The following SULT4A1 variants were observed in gnomAD, a reference collection of about 807,000 sequenced individuals.
SULT4A1 encodes sulfotransferase 4A1.
Under a neutral mutation model 35.2 loss-of-function variants are expected in SULT4A1, and 11 were observed. The ratio of observed to expected loss-of-function variants is 0.31; its 90% CI spans 0.20 to 0.52. The LOEUF is 0.52. SULT4A1 is among the 20% of genes least tolerant of loss of function. The pLI, the probability that SULT4A1 is intolerant of heterozygous loss-of-function variation, is 0.97. For missense variants in SULT4A1, 271 were observed against 383.7 expected, an observed-to-expected ratio of 0.71 and a Z score of 2.45; for synonymous variants, 152 against 151.8, an observed-to-expected ratio of 1.00 and a Z score of -0.01.
At chr22:43,840,223 G>A (rs866842754) in intron 2 of SULT4A1, among the ~76,000 whole-genome samples, 198 bp from the exon 3 acceptor site, 1 of 150,594 alleles carries the variant, frequency 6.6e-6, no homozygotes, top group African/African-American at 2.4e-5. Context: ...GAGGCCAGAG[G>A]GAGGGGTAAG....
chr22:43,832,887 C>T (rs2063334812), intron 5 of SULT4A1, among the ~76,000 whole-genome samples: 1 of 152,098 alleles, frequency 6.6e-6, no homozygotes. Flanking sequence ...GACCTCCTCC[C>T]CATCCCAGCT....
rs1338987621 is a variant in SULT4A1, at chr22:43,827,825, TAAC to T, written c.742+1232_742+1234del. Among the ~76,000 whole-genome samples, 5 of 151,662 alleles carry T rather than the reference TAAC, an allele frequency of 3.3e-5. No homozygotes were observed. In the East Asian group the frequency reaches 9.7e-4, roughly 29 times the overall value. The stretch of plus-strand genomic sequence containing the variant: ...TTTTGGAGAAGGTCACATCCAAGGA[TAAC>T]AAAACACAGCAAAAGCAAAACTAAA... On this transcript the variant is annotated intron_variant, in intron 6 of 6. Coordinates refer to ENST00000330884, the MANE Select transcript of SULT4A1 (RefSeq NM_014351.4).
intron 1 of SULT4A1, among the ~76,000 whole-genome samples, chr22:43,850,439 C>T (rs566875900): frequency 7.2e-5 from 11 of 152,314 alleles, no homozygotes; most frequent in Admixed American, 6.5e-4. Flanking sequence ...TATTCTATTT[C>T]ACTTTTCCCA....
chr22:43,844,444 C>G (rs1010129019), intron 1 of SULT4A1, among the ~76,000 whole-genome samples: 1 of 152,186 alleles, frequency 6.6e-6, no homozygotes, highest in African/African-American at 2.4e-5. Context: ...TCCCTCCTCA[C>G]AAATCAGCCA....
chr22:43,853,182 C>G (rs2049361707), intron 1 of SULT4A1, among the ~76,000 whole-genome samples: 1 of 152,034 alleles, frequency 6.6e-6, no homozygotes, highest in Non-Finnish European at 1.5e-5. Context: ...ACACACCACA[C>G]ACATACACCC....
At chr22:43,837,729 ACCGCCCCG>A (rs2063388712) in intron 4 of SULT4A1, among the ~76,000 whole-genome samples, 2 of 152,056 alleles carry the variant, frequency 1.3e-5, no homozygotes, top group Non-Finnish European at 2.9e-5. Context: ...GGCGCCCTGC[ACCGCCCCG>A]CCAAGAGGTC....
chr22:43,827,899 C>G (rs1188250100), intron 6 of SULT4A1, among the ~76,000 whole-genome samples: 4 of 152,132 alleles, frequency 2.6e-5, no homozygotes, highest in Admixed American at 6.5e-5. Flanking sequence ...GAAAATGCAG[C>G]CAGGAAAGAA....
At chr22:43,853,556 A>G (rs2049367793) in intron 1 of SULT4A1, among the ~76,000 whole-genome samples, 1 of 152,124 alleles carries the variant, frequency 6.6e-6, no homozygotes, top group Non-Finnish European at 1.5e-5. Flanking sequence ...GCTGGGTTCC[A>G]CAGTCAGGCC....
chr22:43,831,288 C>T (rs544400532), intron 5 of SULT4A1, among the ~76,000 whole-genome samples: 30 of 151,436 alleles, frequency 2.0e-4, no homozygotes, highest in Admixed American at 6.6e-4. Context: ...ACTGCTGACC[C>T]GGCAGCTGCC....
chr22:43,841,961 G>T, intron 1 of SULT4A1, 29 bp from the exon 2 acceptor site: 1 of 1,603,450 alleles, frequency 6.2e-7, no homozygotes, highest in Non-Finnish European at 8.5e-7. Context: ...AGCGCGGGGT[G>T]CTCAGAGGAG....
chr22:43,858,545 A>G (rs2049429493), intron 1 of SULT4A1, among the ~76,000 whole-genome samples: 1 of 152,132 alleles, frequency 6.6e-6, no homozygotes, highest in South Asian at 2.1e-4. Flanking sequence ...ACAAAACCAC[A>G]CGTTCCATTC....
intron 1 of SULT4A1, among the ~76,000 whole-genome samples, chr22:43,843,961 G>A (rs539248334): frequency 6.6e-6 from 1 of 152,160 alleles, no homozygotes; most frequent in African/African-American, 2.4e-5. Flanking sequence ...GGGCAGTCTT[G>A]TGGGACTGAG....
At chr22:43,830,484 C>T (rs1021856139) in intron 5 of SULT4A1, among the ~76,000 whole-genome samples, 3 of 152,222 alleles carry the variant, frequency 2.0e-5, no homozygotes, top group African/African-American at 4.8e-5. Context: ...TCAGGCAGAA[C>T]GCCCAGGTCA....
chr22:43,826,500 T>C (rs1386444531), intron 6 of SULT4A1: 4 of 985,080 alleles, frequency 4.1e-6, no homozygotes, highest in Non-Finnish European at 2.4e-6. Flanking sequence ...CAGGAGCGAG[T>C]ATGATCTGCC....
At chr22:43,831,181 AG>A (rs3216848) in intron 5 of SULT4A1, among the ~76,000 whole-genome samples, 35,209 of 151,960 alleles carry the variant, frequency 0.23, 4,725 homozygotes, top group East Asian at 0.44. Context: ...AAGGCAGAGA[AG>A]GATGAACTTC....
intron 5 of SULT4A1, among the ~76,000 whole-genome samples, chr22:43,831,107 C>A (rs138065): frequency 0.23 from 35,669 of 152,084 alleles, 4,397 homozygotes; most frequent in African/African-American, 0.31. Flanking sequence ...CCAGGCAGGG[C>A]TGGTGGCCTT....
intron 3 of SULT4A1, 149 bp from the exon 4 acceptor site, chr22:43,839,142 G>C: frequency 1.0e-6 from 1 of 1,001,828 alleles, no homozygotes; most frequent in East Asian, 2.5e-5. Context: ...GTGCACGGCT[G>C]CTGGGTGCTG....
At chr22:43,861,066 T>G (rs1045824987) in intron 1 of SULT4A1, among the ~76,000 whole-genome samples, 7 of 152,316 alleles carry the variant, frequency 4.6e-5, no homozygotes, top group African/African-American at 1.2e-4. Context: ...TAGCCATTCC[T>G]AAAGCATTTT....
Position 43,827,418 on chromosome 22 carries a change from G to A in SULT4A1, c.743-1305C>T, listed in dbSNP as rs551489162. The A allele has an allele frequency of 4.4e-5, 52 of 1,187,680 alleles. No homozygotes were observed. In the African/African-American group the frequency reaches 8.2e-4, roughly 19 times the overall value. The allele number at this position is 1,187,680 out of a possible 1,614,324, so 73.6% of individuals were successfully genotyped here. A position where few individuals can be genotyped will look rare whatever the true frequency, so the allele number is the denominator to read the frequency against. On this transcript the variant is annotated intron_variant, in intron 6 of 6. Coordinates refer to ENST00000330884, the MANE Select transcript of SULT4A1 (RefSeq NM_014351.4). ...TTGTAACCCTTTAATGATACCTAAGGGGCAAAATTAGAAGCTGCTAGAGCA... is the reference window on the plus strand; with the variant it reads ...TTGTAACCCTTTAATGATACCTAAGAGGCAAAATTAGAAGCTGCTAGAGCA...
Sources: gnomAD v4.1 joint callset for allele counts (sites outside exome capture counted in the v4.1 genomes callset) on GRCh38, gnomAD v4.1.1 for gene constraint, MANE v1.5 for transcripts, NCBI Gene and HGNC (gene_info 2026-07-23, HGNC 2026-07-21) for gene names.